The following RBM20 variants were observed in gnomAD, a reference collection of about 807,000 sequenced individuals.
RBM20 encodes the protein RNA binding motif protein 20.
In RBM20, 51 loss-of-function variants were observed where a neutral mutation model predicts 110.1. That is an observed-to-expected ratio of 0.46 (90% CI 0.37 to 0.59). The LOEUF (loss-of-function observed/expected upper bound fraction) is 0.59, where lower values mean the gene tolerates loss of function less well. Ranked by LOEUF, RBM20 falls within the 20% of genes least tolerant of loss-of-function variation. The pLI is 0.00. For missense variants in RBM20, 1,512 were observed against 1,574.9 expected, an observed-to-expected ratio of 0.96 and a Z score of 0.68; for synonymous variants, 589 against 618.2, an observed-to-expected ratio of 0.95 and a Z score of 0.70.
intron 5 of RBM20, among the ~76,000 whole-genome samples, chr10:110,793,301 C>T (rs898357670): frequency 1.1e-4 from 16 of 152,134 alleles, no homozygotes; most frequent in Non-Finnish European, 1.5e-5. Flanking sequence ...TACTTCCACC[C>T]CAAGCAGCCA....
intron 9 of RBM20, among the ~76,000 whole-genome samples, chr10:110,818,801 G>C (rs190845665): frequency 1.3e-5 from 2 of 152,350 alleles, no homozygotes; most frequent in East Asian, 3.9e-4. Context: ...GAGGGCCATG[G>C]ATAGGTGATT....
intron 1 of RBM20, among the ~76,000 whole-genome samples, chr10:110,745,596 A>G (rs1564832786): frequency 6.6e-6 from 1 of 151,930 alleles, no homozygotes; most frequent in Non-Finnish European, 1.5e-5. Context: ...TCTTGCTTCC[A>G]CTGGGAGTGG....
chr10:110,825,036 G>A (rs541290835), intron 12 of RBM20, among the ~76,000 whole-genome samples: 12 of 128,464 alleles, frequency 9.3e-5, no homozygotes, highest in African/African-American at 3.3e-4. Context: ...GATCTGGAGA[G>A]CAAACTTCCT....
intron 1 of RBM20, among the ~76,000 whole-genome samples, chr10:110,716,099 T>C (rs995547505): frequency 6.6e-6 from 1 of 152,268 alleles, no homozygotes; most frequent in Non-Finnish European, 1.5e-5. Context: ...AAGTCAAGTA[T>C]GTATTGCCAA....
chr10:110,670,764 A>T (rs75482925), intron 1 of RBM20, among the ~76,000 whole-genome samples: 4,924 of 152,290 alleles, frequency 0.032, 248 homozygotes, highest in African/African-American at 0.11. Context: ...GTTTCTCCAA[A>T]CTTTATGCAT....
chr10:110,723,587 CTTA>C (rs912236256), intron 1 of RBM20, among the ~76,000 whole-genome samples: 5 of 152,214 alleles, frequency 3.3e-5, no homozygotes, highest in African/African-American at 1.2e-4. Flanking sequence ...TCTTGCAGCA[CTTA>C]TTATCATCTT....
intron 1 of RBM20, among the ~76,000 whole-genome samples, chr10:110,670,927 A>T (rs1485789227): frequency 6.6e-6 from 1 of 152,204 alleles, no homozygotes; most frequent in Non-Finnish European, 1.5e-5. Flanking sequence ...ATGGTTTTAC[A>T]TTCTATTTTC....
At chr10:110,821,216 T>A in intron 10 of RBM20, 59 bp from the exon 11 acceptor site, 1 of 1,422,470 alleles carries the variant, frequency 7.0e-7, no homozygotes, top group Non-Finnish European at 9.6e-7. Context: ...CCAAGTCTTG[T>A]GCCTTCCAGT....
chr10:110,821,171 G>A, intron 10 of RBM20, 104 bp from the exon 11 acceptor site: 3 of 920,430 alleles, frequency 3.3e-6, no homozygotes, highest in South Asian at 1.7e-5. Flanking sequence ...AGGTAAGAAT[G>A]CTCAGATTCT....
intron 1 of RBM20, among the ~76,000 whole-genome samples, chr10:110,758,734 T>C (rs1843954870): frequency 3.3e-5 from 5 of 152,196 alleles, no homozygotes; most frequent in Non-Finnish European, 7.4e-5. Context: ...AGGAGCTGTG[T>C]TTTAAATTTA....
At chr10:110,687,106 C>T (rs1360140241) in intron 1 of RBM20, among the ~76,000 whole-genome samples, 1 of 151,484 alleles carries the variant, frequency 6.6e-6, no homozygotes, top group Non-Finnish European at 1.5e-5. Context: ...CTAGTACTGT[C>T]CCAGTTCAGC....
At chr10:110,714,651 C>G (rs530418064) in intron 1 of RBM20, among the ~76,000 whole-genome samples, 42 of 152,326 alleles carry the variant, frequency 2.8e-4, no homozygotes, top group Admixed American at 2.3e-3. Flanking sequence ...TGTGGGTGGC[C>G]CATGCCCAAC....
At chr10:110,690,436 ATTCACTGACATTAAATAGG>A (rs1296154088) in intron 1 of RBM20, among the ~76,000 whole-genome samples, 2 of 152,116 alleles carry the variant, frequency 1.3e-5, no homozygotes, top group East Asian at 3.9e-4. Context: ...AACCTGTACA[ATTCACTGACATTAAATAGG>A]TTCACAAAGT....
chr10:110,685,723 T>C (rs1265638971), intron 1 of RBM20, among the ~76,000 whole-genome samples: 1 of 148,108 alleles, frequency 6.8e-6, no homozygotes, highest in Non-Finnish European at 1.5e-5. Flanking sequence ...AAATAAAGGT[T>C]GGAATTGAGG....
chr10:110,664,952 T>C (rs763725937), intron 1 of RBM20, among the ~76,000 whole-genome samples: 2 of 151,934 alleles, frequency 1.3e-5, no homozygotes, highest in African/African-American at 2.4e-5. Context: ...CATACCTCAC[T>C]GTAACCTGGA....
intron 1 of RBM20, among the ~76,000 whole-genome samples, chr10:110,712,910 A>G (rs901011543): frequency 3.9e-5 from 6 of 152,232 alleles, no homozygotes; most frequent in Admixed American, 1.3e-4. Flanking sequence ...CAACACATCT[A>G]TTACACCCTC....
chr10:110,768,037 G>A (rs577173176), intron 1 of RBM20, among the ~76,000 whole-genome samples: 2 of 152,354 alleles, frequency 1.3e-5, no homozygotes, highest in East Asian at 1.9e-4. Context: ...AGACCAGCCC[G>A]GCCAACACAG....
At chr10:110,663,869 C>T (rs1862141111) in intron 1 of RBM20, among the ~76,000 whole-genome samples, 1 of 152,116 alleles carries the variant, frequency 6.6e-6, no homozygotes, top group Non-Finnish European at 1.5e-5. Context: ...TAGAACTGTA[C>T]TGACACTAAT....
chr10:110,732,279 TTTTC>T (rs1843627798), intron 1 of RBM20, among the ~76,000 whole-genome samples: 1 of 152,162 alleles, frequency 6.6e-6, no homozygotes, highest in Non-Finnish European at 1.5e-5. Context: ...TTGGTATTGA[TTTTC>T]TTTCTCTGAC....
Sources: gnomAD v4.1 joint callset for allele counts (sites outside exome capture counted in the v4.1 genomes callset) on GRCh38, gnomAD v4.1.1 for gene constraint, MANE v1.5 for transcripts, NCBI Gene and HGNC (gene_info 2026-07-23, HGNC 2026-07-21) for gene names.